The following SHISA9 variants were observed in gnomAD, a reference collection of about 807,000 sequenced individuals.
The protein encoded by SHISA9 is shisa family member 9.
A neutral mutation model predicts 38.0 loss-of-function variants in SHISA9; 13 were observed. That is an observed-to-expected ratio of 0.34 (90% CI 0.22 to 0.54). SHISA9 has a LOEUF of 0.54. Ranked by LOEUF, SHISA9 falls within the 20% of genes least tolerant of loss-of-function variation. SHISA9 has a pLI of 0.91. For missense variants in SHISA9, 538 were observed against 575.8 expected (o/e 0.93, Z 0.67); for synonymous variants, 275 against 242.0 (o/e 1.14, Z -1.27).
chr16:13,338,415 C>T, the SHISA9 span, among the ~76,000 whole-genome samples: 2 of 152,142 alleles, frequency 1.3e-5, no homozygotes, highest in Non-Finnish European at 2.9e-5. Flanking sequence ...TCAGCATGAG[C>T]ATGCCAAATA....
intron 2 of SHISA9, among the ~76,000 whole-genome samples, chr16:13,098,299 A>G (rs1332148836): frequency 6.6e-6 from 1 of 152,202 alleles, no homozygotes; most frequent in African/African-American, 2.4e-5. Flanking sequence ...ATTGCCACGA[A>G]TCCCATTCAG....
At chr16:12,967,577 A>T (rs2071996540) in intron 2 of SHISA9, among the ~76,000 whole-genome samples, 2 of 152,000 alleles carry the variant, frequency 1.3e-5, no homozygotes, top group South Asian at 2.1e-4. Flanking sequence ...ATAAAAATAA[A>T]AAATAAATAA....
the SHISA9 span, among the ~76,000 whole-genome samples, chr16:13,559,936 C>G: frequency 6.6e-6 from 1 of 152,116 alleles, no homozygotes; most frequent in Admixed American, 6.5e-5. Context: ...CAGTAGCTCT[C>G]TCAGGAAAAA....
chr16:13,030,745 T>C (rs571257565), intron 2 of SHISA9, among the ~76,000 whole-genome samples: 55 of 152,214 alleles, frequency 3.6e-4, no homozygotes, highest in African/African-American at 1.3e-3. Context: ...ATGAATAAAA[T>C]ATGGTAGGAA....
the SHISA9 span, among the ~76,000 whole-genome samples, chr16:13,285,477 T>TG: frequency 6.7e-6 from 1 of 149,594 alleles, no homozygotes; most frequent in East Asian, 1.9e-4. Flanking sequence ...TTTTTTTTTT[T>TG]TTTTTTTTTT....
At chr16:13,072,910 C>A (rs941140666) in intron 2 of SHISA9, among the ~76,000 whole-genome samples, 1 of 152,176 alleles carries the variant, frequency 6.6e-6, no homozygotes, top group African/African-American at 2.4e-5. Flanking sequence ...ATCCACCCAC[C>A]TCGGCCTCCC....
chr16:12,913,599 G>C (rs1320367187), intron 1 of SHISA9, among the ~76,000 whole-genome samples: 2 of 152,070 alleles, frequency 1.3e-5, no homozygotes, highest in African/African-American at 4.8e-5. Flanking sequence ...TCCAAGTCCA[G>C]TATCTAATTC....
chr16:13,088,605 G>C (rs1323565854), intron 2 of SHISA9, among the ~76,000 whole-genome samples: 1 of 151,446 alleles, frequency 6.6e-6, no homozygotes, highest in Admixed American at 6.6e-5. Flanking sequence ...TCATGATTTG[G>C]TTGTCTGTCT....
chr16:13,440,793 G>A, the SHISA9 span, among the ~76,000 whole-genome samples: 1 of 152,018 alleles, frequency 6.6e-6, no homozygotes, highest in African/African-American at 2.4e-5. Flanking sequence ...GTGGTGGCGC[G>A]TGCCTGTAGT....
At chr16:13,544,429 G>GTTTTTT in the SHISA9 span, among the ~76,000 whole-genome samples, 58 of 102,098 alleles carry the variant, frequency 5.7e-4, no homozygotes, top group African/African-American at 2.1e-3. Flanking sequence ...TTTTTTTCTT[G>GTTTTTT]TTTTTTTTTT....
chr16:13,293,387 C>A, the SHISA9 span, among the ~76,000 whole-genome samples: 13 of 152,142 alleles, frequency 8.5e-5, no homozygotes, highest in African/African-American at 3.1e-4. Context: ...ATCTGCAAAG[C>A]TCTTAAATAA....
the SHISA9 span, among the ~76,000 whole-genome samples, chr16:13,390,107 T>C: frequency 8.3e-6 from 1 of 120,754 alleles, no homozygotes; most frequent in Non-Finnish European, 1.7e-5. Context: ...TTAAATACTA[T>C]GTGGGTTTTT....
chr16:13,090,870 G>T (rs2073767867), intron 2 of SHISA9, among the ~76,000 whole-genome samples: 1 of 152,194 alleles, frequency 6.6e-6, no homozygotes, highest in Non-Finnish European at 1.5e-5. Flanking sequence ...CCTGTTAATT[G>T]ATGCAGTTTC....
intron 2 of SHISA9, among the ~76,000 whole-genome samples, chr16:13,084,406 C>G (rs1173818079): frequency 6.6e-6 from 1 of 152,224 alleles, no homozygotes; most frequent in Non-Finnish European, 1.5e-5. Context: ...ACCTTCCAGA[C>G]AACAGTATTC....
At chr16:13,036,124 A>G (rs6498371) in intron 2 of SHISA9, among the ~76,000 whole-genome samples, 5,005 of 152,314 alleles carry the variant, frequency 0.033, 241 homozygotes, top group African/African-American at 0.11. Context: ...TGACACATCA[A>G]TTCCACTCCT....
At chr16:12,916,288 A>G (rs1427280012) in intron 1 of SHISA9, among the ~76,000 whole-genome samples, 1 of 152,242 alleles carries the variant, frequency 6.6e-6, no homozygotes, top group East Asian at 1.9e-4. Flanking sequence ...TATGGCAAAT[A>G]CTCAATAAAT....
Position 13,066,536 on chromosome 16 carries a change from G to T in SHISA9, c.692-136858G>T, listed in dbSNP as rs147135748. Among the ~76,000 whole-genome samples, 691 of 152,282 alleles carry T rather than the reference G, an allele frequency of 4.5e-3. 8 individuals are homozygous for T. Among genetic ancestry groups the T allele is most frequent in the African/African-American group, 0.016 (662 of 41,540 alleles). On this transcript the variant is annotated intron_variant, in intron 2 of 4. Coordinates refer to ENST00000558583, the MANE Select transcript of SHISA9 (RefSeq NM_001145204.3). ...GCCCAGTACGTGCTAGGCACTCAAT[G>T]AATATATGTATTGAATGAACTGATT...
the SHISA9 span, among the ~76,000 whole-genome samples, chr16:13,527,987 G>A: frequency 6.6e-6 from 1 of 152,120 alleles, no homozygotes; most frequent in Non-Finnish European, 1.5e-5. Context: ...TGTCATCTTG[G>A]ATAGTTATTT....
chr16:13,156,720 TGAGA>T (rs2050550766), intron 2 of SHISA9, among the ~76,000 whole-genome samples: 2 of 119,156 alleles, frequency 1.7e-5, no homozygotes, highest in East Asian at 4.8e-4. Flanking sequence ...GGCAACAGAG[TGAGA>T]CTCCGTCTCA....
Sources: gnomAD v4.1 joint callset for allele counts (sites outside exome capture counted in the v4.1 genomes callset) on GRCh38, gnomAD v4.1.1 for gene constraint, MANE v1.5 for transcripts, NCBI Gene and HGNC (gene_info 2026-07-23, HGNC 2026-07-21) for gene names.